CGGBP1: variants seen among roughly 807,000 people sequenced by gnomAD.
The protein encoded by CGGBP1 is CGG triplet repeat binding protein 1, also known as CGG triplet repeat-binding protein 1.
Under a neutral mutation model 11.4 loss-of-function variants are expected in CGGBP1, and 4 were observed. The ratio of observed to expected loss-of-function variants is 0.35; its 90% confidence interval spans 0.17 to 0.80. The LOEUF (loss-of-function observed/expected upper bound fraction) is 0.80. CGGBP1 is among the 30% of genes least tolerant of loss of function. CGGBP1 has a pLI of 0.52. For synonymous variants in CGGBP1, 76 were observed against 74.1 expected (o/e 1.03, Z -0.13); for missense variants, 135 against 202.1 (o/e 0.67, Z 2.01).
intron 1 of CGGBP1, chr3:88,144,606 A>C (rs755684791): frequency 9.2e-5 from 14 of 152,530 alleles, no homozygotes; most frequent in Admixed American, 2.6e-4. Context: ...GTCTCATTTC[A>C]AGAAATTTTT....
intron 2 of CGGBP1, among the ~76,000 whole-genome samples, chr3:88,128,112 G>A (rs2107830310): frequency 6.6e-6 from 1 of 152,230 alleles, no homozygotes; most frequent in African/African-American, 2.4e-5. Flanking sequence ...CTGAGACTCA[G>A]TTTTGCAATC....
At chr3:88,107,020 A>G (rs1352813191) in intron 2 of CGGBP1, among the ~76,000 whole-genome samples, 1 of 152,212 alleles carries the variant, frequency 6.6e-6, no homozygotes, top group Non-Finnish European at 1.5e-5. Context: ...AGGCTTTACA[A>G]AATTGGCTGG....
At chr3:88,072,827 T>C (rs1032032147) in intron 2 of CGGBP1, among the ~76,000 whole-genome samples, 1 of 152,172 alleles carries the variant, frequency 6.6e-6, no homozygotes, top group African/African-American at 2.4e-5. Flanking sequence ...TGAATAAATA[T>C]AAATAAACCC....
chr3:88,096,259 G>A (rs1417583228), intron 2 of CGGBP1, among the ~76,000 whole-genome samples: 2 of 152,070 alleles, frequency 1.3e-5, no homozygotes, highest in African/African-American at 2.4e-5. Flanking sequence ...ATTGGCAATT[G>A]TGGCAAGTTG....
chr3:88,114,557 C>G (rs1705275152), intron 2 of CGGBP1, among the ~76,000 whole-genome samples: 1 of 152,158 alleles, frequency 6.6e-6, no homozygotes, highest in Admixed American at 6.6e-5. Context: ...CTGGCTGATT[C>G]TAATTTCCAT....
At chr3:88,125,431 C>CT (rs1706040563) in intron 2 of CGGBP1, among the ~76,000 whole-genome samples, 1 of 152,030 alleles carries the variant, frequency 6.6e-6, no homozygotes, top group South Asian at 2.1e-4. Context: ...TTTCAAATAT[C>CT]TTTTTTTAAA....
chr3:88,116,561 TAC>T (rs61470020), intron 2 of CGGBP1, among the ~76,000 whole-genome samples: 20,931 of 150,930 alleles, frequency 0.14, 1,510 homozygotes, highest in Non-Finnish European at 0.14. Context: ...TACATATATA[TAC>T]ACACACACAC....
chr3:88,060,002 C>T (rs765304976), upstream of CGGBP1, among the ~76,000 whole-genome samples: 1 of 151,892 alleles, frequency 6.6e-6, no homozygotes, highest in Non-Finnish European at 1.5e-5. Context: ...TCTAGGGTCT[C>T]CTGTCATCCC....
chr3:88,098,220 A>G (rs1704182709), intron 2 of CGGBP1, among the ~76,000 whole-genome samples: 1 of 152,254 alleles, frequency 6.6e-6, no homozygotes, highest in African/African-American at 2.4e-5. Flanking sequence ...CAAATAAACT[A>G]GAAAATCTAG....
intron 2 of CGGBP1, among the ~76,000 whole-genome samples, chr3:88,101,754 A>C (rs568370651): frequency 6.6e-6 from 1 of 152,306 alleles, no homozygotes; most frequent in East Asian, 1.9e-4. Flanking sequence ...TGCTAACCAA[A>C]GTGACTGTAC....
At chr3:88,059,272 C>T (rs1477759865), upstream of CGGBP1, 3 of 1,531,480 alleles carry the variant, frequency 2.0e-6, no homozygotes, top group South Asian at 1.2e-5. Flanking sequence ...GCATCTACGG[C>T]GGCGGCGGCG....
At chr3:88,105,315 G>A (rs986879726) in intron 2 of CGGBP1, among the ~76,000 whole-genome samples, 22 of 152,014 alleles carry the variant, frequency 1.4e-4, no homozygotes, top group Non-Finnish European at 3.2e-4. Flanking sequence ...ATATCTTGGA[G>A]ATCATTCCAC....
chr3:88,129,817 A>T, intron 2 of CGGBP1: 1 of 1,489,370 alleles, frequency 6.7e-7, no homozygotes, highest in Non-Finnish European at 8.9e-7. Context: ...GGGGATATGT[A>T]CTGTATCTGG....
At chr3:88,083,534 A>G (rs753730131) in intron 2 of CGGBP1, among the ~76,000 whole-genome samples, 1 of 152,046 alleles carries the variant, frequency 6.6e-6, no homozygotes, top group African/African-American at 2.4e-5. Flanking sequence ...GGCCTTGGCT[A>G]TTGCTTCTGT....
chr3:88,111,736 G>A (rs752075513), intron 2 of CGGBP1, among the ~76,000 whole-genome samples: 36 of 152,078 alleles, frequency 2.4e-4, no homozygotes, highest in South Asian at 1.0e-3. Context: ...CAAATGGTAT[G>A]TGTACATTTT....
At chr3:88,117,474 G>T (rs911067699) in intron 2 of CGGBP1, among the ~76,000 whole-genome samples, 1 of 152,074 alleles carries the variant, frequency 6.6e-6, no homozygotes, top group Non-Finnish European at 1.5e-5. Context: ...TAGAGCAACA[G>T]AAATAAATAG....
chr3:88,076,271 G>C (rs965417886), intron 2 of CGGBP1, among the ~76,000 whole-genome samples: 2 of 152,110 alleles, frequency 1.3e-5, no homozygotes, highest in African/African-American at 4.8e-5. Context: ...CTCCGGTCTG[G>C]TTCACTCTTG....
chr3:88,139,894 A>G (rs1707014567), intron 2 of CGGBP1: 2 of 1,612,868 alleles, frequency 1.2e-6, no homozygotes, highest in East Asian at 4.5e-5. Flanking sequence ...GCCACAGATC[A>G]AGAAGGAAAC....
At position 88,058,977 on chromosome 3, in the gene CGGBP1, G is replaced by A. The variant is rs1706671990; in HGVS notation, c.-493C>T. The A allele has an allele frequency of 9.0e-6, 2 of 222,684 alleles. No individual in the cohort carries two copies. Among genetic ancestry groups the A allele is most frequent in the South Asian group, 1.2e-4 (1 of 8,360 alleles). 13.8% of individuals were successfully genotyped at this position (222,684 alleles called of 1,614,324 possible). On this transcript the variant is annotated 5_prime_UTR_variant, in exon 1 of 4. Transcript: ENST00000482016. The stretch of plus-strand genomic sequence containing the variant: ...CCCCGCGGCGGCCGCCGTGTCCCCC[G>A]CCGCGCCCCGTCCGCCTGCACCGCC...
Sources: allele counts gnomAD v4.1 joint callset (sites outside exome capture counted in the v4.1 genomes callset), GRCh38; gene constraint gnomAD v4.1.1; transcripts MANE v1.5; gene names NCBI Gene and HGNC (gene_info 2026-07-23, HGNC 2026-07-21).